Variants in F2R observed in about 807,000 individuals in gnomAD.
F2R encodes proteinase-activated receptor 1.
A neutral mutation model predicts 18.3 loss-of-function variants in F2R; 12 were observed. The ratio of observed to expected loss-of-function variants is 0.66; its 90% confidence interval spans 0.42 to 1.06. The LOEUF is 1.06. Ranked by LOEUF, F2R falls within the 50% of genes least tolerant of loss-of-function variation. The probability of loss-of-function intolerance (pLI) is 0.00; values close to 1 mark genes in which losing one functional copy is unlikely to be tolerated. For missense variants in F2R, 438 were observed against 530.8 expected (o/e 0.83, Z 1.72); for synonymous variants, 210 against 219.9 (o/e 0.95, Z 0.40).
intron 1 of F2R, among the ~76,000 whole-genome samples, chr5:76,720,653 G>A (rs1427423545): frequency 3.3e-5 from 5 of 151,998 alleles, no homozygotes; most frequent in African/African-American, 7.2e-5. Context: ...AAACCAGTAA[G>A]CAGTCAGATC....
chr5:76,717,951 CAGAA>C (rs1230968327), intron 1 of F2R, among the ~76,000 whole-genome samples: 1 of 152,002 alleles, frequency 6.6e-6, no homozygotes, highest in East Asian at 1.9e-4. Flanking sequence ...CTGGTGTAGA[CAGAA>C]AGGCAGGTGG....
At chr5:76,720,919 T>A (rs1748439507) in intron 1 of F2R, among the ~76,000 whole-genome samples, 1 of 152,188 alleles carries the variant, frequency 6.6e-6, no homozygotes, top group African/African-American at 2.4e-5. Context: ...GCTATCCTCC[T>A]AACTCAGCCT....
At chr5:76,731,409 G>C (rs1373342485) in intron 1 of F2R, among the ~76,000 whole-genome samples, 8 of 152,000 alleles carry the variant, frequency 5.3e-5, no homozygotes, top group Admixed American at 3.9e-4. Context: ...CGGAGGCGGA[G>C]GTTGCGGTGA....
intron 1 of F2R, among the ~76,000 whole-genome samples, chr5:76,728,027 A>G (rs1179859431): frequency 6.6e-6 from 1 of 151,830 alleles, no homozygotes; most frequent in East Asian, 1.9e-4. Context: ...TGTTGAGATT[A>G]CAGGTGTGAG....
chr5:76,730,609 C>T lies in F2R; in HGVS notation c.89-1705C>T, dbSNP rs191881587. Among the ~76,000 whole-genome samples the T allele has an allele frequency of 2.2e-3, 336 of 152,320 alleles. 1 individual carries two copies. The highest frequency in any genetic ancestry group is 3.9e-3 in the Non-Finnish European group (266 of 68,018). On this transcript the variant is annotated intron_variant, in intron 1 of 1. Coordinates refer to ENST00000319211, the MANE Select transcript of F2R (RefSeq NM_001992.5). ...TCTCCAGTGGACACCAGCTGGGTAT[C>T]CTTGAATATAATTCAATTCTGGACA...
chr5:76,732,367 C>T lies in F2R; in HGVS notation c.142C>T (p.Pro48Ser). 1.2e-6 allele frequency: 2 copies of T among 1,613,638 alleles called. No individual in the cohort carries two copies. Among genetic ancestry groups the T allele is most frequent in the Non-Finnish European group, 1.7e-6 (2 of 1,179,902 alleles). The change falls in exon 2 of 2, where the codon CCC (proline) becomes TCC (serine). Residue 48 changes from proline to serine, a missense_variant. Coordinates refer to ENST00000319211, the MANE Select transcript of F2R (RefSeq NM_001992.5). ...TCCCCGGTCATTTCTTCTCAGGAACCCCAATGATAAATATGAACCATTTTG... is the reference window on the plus strand; with the variant it reads ...TCCCCGGTCATTTCTTCTCAGGAACTCCAATGATAAATATGAACCATTTTG... Reference protein sequence around the residue: ...LDPRSFLLRNPNDKYEPFWED... With the variant: ...LDPRSFLLRNSNDKYEPFWED...
At position 76,732,787 on chromosome 5, in the gene F2R, G is replaced by T; in HGVS notation, c.562G>T (p.Ala188Ser). 1 of 1,614,136 alleles carries T rather than the reference G, an allele frequency of 6.2e-7. No homozygotes were observed. The highest frequency in any genetic ancestry group is 8.5e-7 in the Non-Finnish European group (1 of 1,180,030). The change falls in exon 2 of 2, where the codon GCC becomes TCC. Residue 188 changes from alanine (A) to serine (S), a missense_variant. Transcript: ENST00000319211. ...TGCAGCATTTTACTGTAACATGTAC[G>T]CCTCTATCTTGCTCATGACAGTCAT... is the stretch of plus-strand genomic sequence containing the variant. The part of the protein sequence containing the change: ...VTAAFYCNMY[A>S]SILLMTVISI...
At chr5:76,730,230 A>G (rs950299646) in intron 1 of F2R, among the ~76,000 whole-genome samples, 2 of 152,180 alleles carry the variant, frequency 1.3e-5, no homozygotes, top group Non-Finnish European at 2.9e-5. Context: ...GGTGCTTCTC[A>G]TCTTTCCTAC....
chr5:76,732,876 A>G lies in F2R; in HGVS notation c.651A>G (p.Gly217=), dbSNP rs780695412. ...PMQSLSWRTL[G]RASFTCLAIW... ...AGTCCCTCTCCTGGCGTACTCTGGGAAGGGCTTCCTTCACTTGTCTGGCCA... is the reference window on the plus strand; with the variant it reads ...AGTCCCTCTCCTGGCGTACTCTGGGGAGGGCTTCCTTCACTTGTCTGGCCA... Residue 217 remains glycine, a synonymous_variant, in exon 2 of 2, where the codon GGA becomes GGG. Transcript: ENST00000319211. 4 of 1,614,110 alleles carry G rather than the reference A, an allele frequency of 2.5e-6. No individual in the cohort carries two copies. The highest frequency in any genetic ancestry group is 3.4e-6 in the Non-Finnish European group (4 of 1,180,014).
At chr5:76,729,391 A>G (rs911550785) in intron 1 of F2R, among the ~76,000 whole-genome samples, 5 of 152,174 alleles carry the variant, frequency 3.3e-5, no homozygotes, top group African/African-American at 1.2e-4. Context: ...AGTTCCTTAT[A>G]TATTTTGGAT....
chr5:76,723,108 G>T (rs935410756), intron 1 of F2R, among the ~76,000 whole-genome samples: 1 of 152,136 alleles, frequency 6.6e-6, no homozygotes, highest in African/African-American at 2.4e-5. Flanking sequence ...TCTCTCCTGT[G>T]TGTAAGGACC....
At chr5:76,720,284 ATT>A (rs752236078) in intron 1 of F2R, among the ~76,000 whole-genome samples, 130 of 152,092 alleles carry the variant, frequency 8.5e-4, no homozygotes, top group Non-Finnish European at 1.5e-3. Flanking sequence ...AAAAAAAATA[ATT>A]AAAAAGTAGC....
intron 1 of F2R, among the ~76,000 whole-genome samples, chr5:76,731,094 C>A (rs1274765953): frequency 6.6e-6 from 1 of 152,178 alleles, no homozygotes; most frequent in African/African-American, 2.4e-5. Flanking sequence ...GCTCTGCTGA[C>A]CTGCTCAGGA....
At position 76,733,049 on chromosome 5, in the gene F2R, C is replaced by G. The variant is rs1230139499; in HGVS notation, c.824C>G (p.Ser275Cys). 6.2e-7 allele frequency: 1 copy of G among 1,614,066 alleles called. No homozygotes were observed. The highest frequency in any genetic ancestry group is 1.3e-5 in the African/African-American group (1 of 74,924). The change falls in exon 2 of 2, where the codon TCT becomes TGT. Residue 275 changes from serine (S) to cysteine (C), a missense_variant. Coordinates refer to ENST00000319211, the MANE Select transcript of F2R (RefSeq NM_001992.5). Reference sequence around the variant, plus strand: ...TATGCCTACTACTTCTCAGCCTTCTCTGCTGTCTTCTTTTTTGTGCCGCTG... The same window carrying G: ...TATGCCTACTACTTCTCAGCCTTCTGTGCTGTCTTCTTTTTTGTGCCGCTG... ...GYYAYYFSAFSAVFFFVPLII... is the reference protein window; with the variant it reads ...GYYAYYFSAFCAVFFFVPLII...
intron 1 of F2R, among the ~76,000 whole-genome samples, chr5:76,719,673 G>A (rs2227759): frequency 5.8e-4 from 89 of 152,160 alleles, no homozygotes; most frequent in Middle Eastern, 3.4e-3. Flanking sequence ...CCTATAGAAA[G>A]GAAGCCATCT....
chr5:76,716,882 G>A (rs1045456651), intron 1 of F2R: 1 of 504,336 alleles, frequency 2.0e-6, no homozygotes, highest in Admixed American at 4.0e-5. Context: ...AAAAGCCCAG[G>A]CAGTCCCTTG....
Position 76,732,360 on chromosome 5 carries a change from C to G in F2R, c.135C>G (p.Leu45=). 2.5e-6 allele frequency: 4 copies of G among 1,613,012 alleles called. No homozygotes were observed. The highest frequency in any genetic ancestry group is 3.4e-6 in the Non-Finnish European group (4 of 1,179,724). ...CCTTAGATCCCCGGTCATTTCTTCTCAGGAACCCCAATGATAAATATGAAC... is the reference window on the plus strand; with the variant it reads ...CCTTAGATCCCCGGTCATTTCTTCTGAGGAACCCCAATGATAAATATGAAC... The part of the protein sequence containing the change: ...NATLDPRSFL[L]RNPNDKYEPF... The change falls in exon 2 of 2, where the codon CTC becomes CTG. Residue 45 remains leucine (L), a synonymous_variant. Coordinates refer to ENST00000319211, the MANE Select transcript of F2R (RefSeq NM_001992.5).
At chr5:76,716,889 C>T (rs1748356984) in intron 1 of F2R, 1 of 496,704 alleles carries the variant, frequency 2.0e-6, no homozygotes, top group African/African-American at 2.0e-5. Context: ...CAGGCAGTCC[C>T]TTGGCATGTT....
At chr5:76,725,701 G>T (rs1024211729) in intron 1 of F2R, among the ~76,000 whole-genome samples, 1 of 151,908 alleles carries the variant, frequency 6.6e-6, no homozygotes, top group Non-Finnish European at 1.5e-5. Context: ...TCAAGAAAAG[G>T]TAACACCTTA....
Sources: allele counts gnomAD v4.1 joint callset (sites outside exome capture counted in the v4.1 genomes callset), GRCh38; gene constraint gnomAD v4.1.1; transcripts MANE v1.5; gene names NCBI Gene and HGNC (gene_info 2026-07-23, HGNC 2026-07-21).